The following ADK variants were observed in gnomAD, a reference collection of about 807,000 sequenced individuals.
The protein encoded by ADK is N6,N6-dimethyladenosine kinase.
Under a neutral mutation model 44.7 loss-of-function variants are expected in ADK, and 24 were observed. That is an observed-to-expected ratio of 0.54 (90% confidence interval 0.39 to 0.76). The LOEUF (loss-of-function observed/expected upper bound fraction) is 0.76, where lower values mean the gene tolerates loss of function less well. Among genes scored for constraint, ADK ranks in the 30% least tolerant of loss-of-function variants. The pLI is 0.00. For missense variants in ADK, 321 were observed against 425.1 expected, an observed-to-expected ratio of 0.76 and a Z score of 2.15; for synonymous variants, 128 against 142.6, an observed-to-expected ratio of 0.90 and a Z score of 0.73.
chr10:74,280,168 C>T (rs1006710363), intron 3 of ADK, among the ~76,000 whole-genome samples: 2 of 151,538 alleles, frequency 1.3e-5, no homozygotes, highest in African/African-American at 4.9e-5. Flanking sequence ...GTTTTGGAGC[C>T]AGGGTCTTGC....
intron 4 of ADK, among the ~76,000 whole-genome samples, chr10:74,359,030 C>T (rs1842235477): frequency 6.6e-6 from 1 of 152,010 alleles, no homozygotes; most frequent in Non-Finnish European, 1.5e-5. Flanking sequence ...TGACTCCTGG[C>T]TTCAAGCAAT....
chr10:74,166,602 G>T (rs1320344533), intron 1 of ADK, among the ~76,000 whole-genome samples: 1 of 150,136 alleles, frequency 6.7e-6, no homozygotes, highest in Non-Finnish European at 1.5e-5. Context: ...TAGGAGAATC[G>T]CTTGAACTTG....
chr10:74,574,899 C>T (rs1564800506), intron 7 of ADK, among the ~76,000 whole-genome samples: 1 of 152,130 alleles, frequency 6.6e-6, no homozygotes, highest in Non-Finnish European at 1.5e-5. Context: ...CATTCTAATG[C>T]ACATTTACTT....
intron 6 of ADK, among the ~76,000 whole-genome samples, chr10:74,416,826 G>A (rs997041533): frequency 8.6e-5 from 13 of 151,876 alleles, no homozygotes; most frequent in Non-Finnish European, 5.9e-5. Context: ...AATATCAAAT[G>A]TAGAATAGTC....
intron 7 of ADK, among the ~76,000 whole-genome samples, chr10:74,580,742 A>T (rs1357593354): frequency 1.3e-5 from 2 of 152,174 alleles, no homozygotes; most frequent in Admixed American, 1.3e-4. Context: ...TAAACTGCCC[A>T]GTCTTGGGTA....
chr10:74,209,993 T>G (rs986745697), intron 2 of ADK, among the ~76,000 whole-genome samples: 1 of 152,034 alleles, frequency 6.6e-6, no homozygotes, highest in Non-Finnish European at 1.5e-5. Context: ...AGAGAATGAA[T>G]GAAATGGTAA....
chr10:74,160,531 C>T (rs144096990), intron 1 of ADK, among the ~76,000 whole-genome samples: 24 of 152,280 alleles, frequency 1.6e-4, no homozygotes, highest in African/African-American at 5.3e-4. Flanking sequence ...AGCCAAGCAC[C>T]GTCCTGGGCT....
chr10:74,697,556 C>T (rs1390275373), intron 10 of ADK, among the ~76,000 whole-genome samples: 1 of 152,108 alleles, frequency 6.6e-6, no homozygotes, highest in Non-Finnish European at 1.5e-5. Flanking sequence ...ATAGAATGAA[C>T]AGTAATAGAG....
chr10:74,444,259 GGT>G (rs1009953354), intron 6 of ADK, among the ~76,000 whole-genome samples: 5 of 152,058 alleles, frequency 3.3e-5, no homozygotes, highest in Admixed American at 3.3e-4. Flanking sequence ...GGCTTAATTA[GGT>G]AGGAAACCCA....
intron 7 of ADK, among the ~76,000 whole-genome samples, chr10:74,556,144 G>T (rs1288283718): frequency 6.6e-6 from 1 of 152,046 alleles, no homozygotes; most frequent in East Asian, 1.9e-4. Flanking sequence ...ATTTGTTATT[G>T]CAGCTCCGGG....
intron 4 of ADK, among the ~76,000 whole-genome samples, chr10:74,342,244 A>G (rs987568526): frequency 2.0e-5 from 3 of 152,168 alleles, no homozygotes; most frequent in South Asian, 2.1e-4. Flanking sequence ...AATATTGCCA[A>G]TCTTAATAAA....
At chr10:74,561,222 ATATT>A (rs547508512) in intron 7 of ADK, among the ~76,000 whole-genome samples, 104 of 152,308 alleles carry the variant, frequency 6.8e-4, no homozygotes, top group African/African-American at 2.2e-3. Flanking sequence ...CTGCCAGAAT[ATATT>A]TATTTTCTTG....
At chr10:74,687,628 T>C (rs917085338) in intron 10 of ADK, among the ~76,000 whole-genome samples, 3 of 152,168 alleles carry the variant, frequency 2.0e-5, no homozygotes, top group African/African-American at 7.2e-5. Context: ...GTTCTGAAAA[T>C]GTTCCCTACA....
intron 10 of ADK, among the ~76,000 whole-genome samples, chr10:74,691,722 A>G (rs1855996243): frequency 6.6e-6 from 1 of 152,150 alleles, no homozygotes; most frequent in Non-Finnish European, 1.5e-5. Flanking sequence ...GCAACAGATC[A>G]ATGAGTTTGG....
rs1841953812 is a variant in ADK at position 74,163,310 on chromosome 10, ATTCT to A, written c.65+11973_65+11976del. On this transcript the variant is annotated intron_variant, in intron 1 of 10. Coordinates refer to ENST00000539909, the MANE Select transcript of ADK (RefSeq NM_006721.4). ...GGTCCCGTGGTTGATGTCTTCACTC[ATTCT>A]TTCTTCTTTTAATATAGTAGAATTG... 2.0e-5 allele frequency among the ~76,000 whole-genome samples: 3 copies of A among 152,304 alleles called. 1 individual carries two copies. The South Asian group carries it at 6.2e-4, about 32-fold the overall frequency.
chr10:74,678,405 A>G (rs1855485529), intron 10 of ADK, among the ~76,000 whole-genome samples: 1 of 152,206 alleles, frequency 6.6e-6, no homozygotes, highest in Non-Finnish European at 1.5e-5. Flanking sequence ...TTAAAAAAAG[A>G]GAGAGAGAAA....
chr10:74,380,353 A>G (rs1015508329), intron 4 of ADK, among the ~76,000 whole-genome samples: 8 of 152,154 alleles, frequency 5.3e-5, no homozygotes, highest in African/African-American at 1.9e-4. Flanking sequence ...AGTCCTGGAC[A>G]TTGTATCTAA....
intron 6 of ADK, among the ~76,000 whole-genome samples, chr10:74,459,668 G>T (rs1384730400): frequency 7.0e-6 from 1 of 141,956 alleles, no homozygotes; most frequent in East Asian, 2.1e-4. Context: ...GGCAGAGATT[G>T]CAGTAAGCCT....
intron 2 of ADK, among the ~76,000 whole-genome samples, chr10:74,201,479 G>A (rs916518890): frequency 1.3e-5 from 2 of 152,052 alleles, no homozygotes; most frequent in Admixed American, 6.6e-5. Flanking sequence ...CATGCACCAC[G>A]TCCACATAAC....
Sources: gnomAD v4.1 joint callset for allele counts (sites outside exome capture counted in the v4.1 genomes callset) on GRCh38, gnomAD v4.1.1 for gene constraint, MANE v1.5 for transcripts, NCBI Gene and HGNC (gene_info 2026-07-23, HGNC 2026-07-21) for gene names.